The following DYSF variants were observed in gnomAD, a reference collection of about 807,000 sequenced individuals.
DYSF encodes dysferlin.
A neutral mutation model predicts 274.9 loss-of-function variants in DYSF; 212 were observed. That is an observed-to-expected ratio of 0.77 (90% CI 0.69 to 0.86). The LOEUF is 0.86. Among genes scored for constraint, DYSF ranks in the 40% least tolerant of loss-of-function variants. DYSF has a pLI of 0.00. For synonymous variants in DYSF, 1,091 were observed against 1,078.7 expected, an observed-to-expected ratio of 1.01 and a Z score of -0.22; for missense variants, 2,666 against 2,783.2, an observed-to-expected ratio of 0.96 and a Z score of 0.95.
Position 71,564,171 on chromosome 2 carries a change from C to T in DYSF, c.2523C>T (p.Tyr841=), listed in dbSNP as rs2091950553. 3 of 1,614,268 alleles carry T rather than the reference C, an allele frequency of 1.9e-6. No individual in the cohort carries two copies. Among genetic ancestry groups the T allele is most frequent in the Non-Finnish European group, 2.5e-6 (3 of 1,180,046 alleles). Residue 841 remains tyrosine (Y), a synonymous_variant, in exon 24 of 56, where the codon TAC becomes TAT. Transcript: ENST00000410020. ...TCTTCTCCCGGCGGGGTGCCAACTA[C>T]TGTGGCAAGAATTGTGGGAAGCTAC... ...QVLFSRRGAN[Y]CGKNCGKLQT... is the part of the protein sequence containing the mutation.
chr2:71,472,633 C>T (rs2082116250), intron 1 of DYSF, among the ~76,000 whole-genome samples: 1 of 152,212 alleles, frequency 6.6e-6, no homozygotes, highest in African/African-American at 2.4e-5. Flanking sequence ...GTCTGGATCT[C>T]CTGACTTCGT....
chr2:71,642,066 G>A (rs1397526001), intron 41 of DYSF, among the ~76,000 whole-genome samples: 1 of 152,150 alleles, frequency 6.6e-6, no homozygotes, highest in African/African-American at 2.4e-5. Flanking sequence ...GGTTATTCAG[G>A]ATTGAGGGAA....
intron 40 of DYSF, among the ~76,000 whole-genome samples, chr2:71,618,370 GGCA>G (rs1293932493): frequency 5.0e-3 from 10 of 2,016 alleles, no homozygotes; most frequent in African/African-American, 6.3e-3. Context: ...TGGTAGAGGT[GGCA>G]TGTGTGGTAG....
intron 36 of DYSF, chr2:71,610,749 T>G (rs917097738): frequency 4.7e-6 from 1 of 210,742 alleles, no homozygotes; most frequent in Non-Finnish European, 9.7e-6. Flanking sequence ...GGCTGGAAGG[T>G]GTCTAGGGGT....
chr2:71,502,844 G>A lies in DYSF; in HGVS notation c.240-370G>A, dbSNP rs573080893. ...GTCATATGATCTGCTGGGGCTCAGG[G>A]GCAGTGTGGGGGTGATGAGATACTG... On this transcript the variant is annotated intron_variant, in intron 3 of 55. Coordinates refer to ENST00000410020, the MANE Select transcript of DYSF (RefSeq NM_001130987.2). 4.6e-5 allele frequency among the ~76,000 whole-genome samples: 7 copies of A among 152,276 alleles called. 1 individual carries two copies. The East Asian group carries it at 1.4e-3, about 29-fold the overall frequency.
At chr2:71,649,361 ATAT>A (rs1455685240) in intron 42 of DYSF, among the ~76,000 whole-genome samples, 2 of 152,180 alleles carry the variant, frequency 1.3e-5, no homozygotes, top group African/African-American at 2.4e-5. Flanking sequence ...CAGTGGACAG[ATAT>A]TATTTGAAAT....
intron 30 of DYSF, among the ~76,000 whole-genome samples, chr2:71,580,358 G>A (rs562004388): frequency 5.9e-4 from 90 of 152,386 alleles, no homozygotes; most frequent in African/African-American, 2.1e-3. Flanking sequence ...GCGAGGCAAG[G>A]CCAGTTGGGA....
chr2:71,566,891 C>G (rs536450211), intron 24 of DYSF, among the ~76,000 whole-genome samples: 3 of 152,338 alleles, frequency 2.0e-5, no homozygotes, highest in East Asian at 3.9e-4. Context: ...TCTGCCCCTT[C>G]CTGAGCCTCC....
At chr2:71,484,729 T>G (rs552793863) in intron 3 of DYSF, among the ~76,000 whole-genome samples, 1 of 152,318 alleles carries the variant, frequency 6.6e-6, no homozygotes, top group African/African-American at 2.4e-5. Context: ...TTTTAAAAAT[T>G]AGTTCTCTGT....
At chr2:71,456,583 C>T (rs2081074597) in intron 1 of DYSF, among the ~76,000 whole-genome samples, 1 of 152,172 alleles carries the variant, frequency 6.6e-6, no homozygotes, top group South Asian at 2.1e-4. Flanking sequence ...CATAAAGCCC[C>T]TCCTTTGGTT....
At chr2:71,630,784 T>C (rs2094299873) in intron 41 of DYSF, among the ~76,000 whole-genome samples, 1 of 152,224 alleles carries the variant, frequency 6.6e-6, no homozygotes, top group South Asian at 2.1e-4. Context: ...TAAGCCTAGG[T>C]CTGCTCTCCC....
chr2:71,569,680 C>T (rs2092313029), intron 26 of DYSF, 140 bp from the exon 27 acceptor site: 1 of 734,962 alleles, frequency 1.4e-6, no homozygotes, highest in African/African-American at 1.7e-5. Context: ...TCTCTTGCAC[C>T]CTTCCCTCCC....
At chr2:71,621,630 TAA>T (rs2094102554) in intron 41 of DYSF, among the ~76,000 whole-genome samples, 1 of 150,278 alleles carries the variant, frequency 6.7e-6, no homozygotes, top group Non-Finnish European at 1.5e-5. Context: ...TGTGTATATA[TAA>T]TATATGTATA....
chr2:71,631,545 C>G (rs545530130), intron 41 of DYSF, among the ~76,000 whole-genome samples: 10 of 152,272 alleles, frequency 6.6e-5, no homozygotes, highest in African/African-American at 1.9e-4. Flanking sequence ...TCCTTTGTGA[C>G]TCATTCTTTC....
At chr2:71,555,253 T>C (rs1314266730) in intron 21 of DYSF, among the ~76,000 whole-genome samples, 2 of 152,056 alleles carry the variant, frequency 1.3e-5, no homozygotes, top group Non-Finnish European at 2.9e-5. Flanking sequence ...GACTCCAGAC[T>C]CCAAGAGGGC....
At chr2:71,656,116 T>G in intron 42 of DYSF, 46 bp from the exon 43 acceptor site, 1 of 1,613,216 alleles carries the variant, frequency 6.2e-7, no homozygotes, top group Non-Finnish European at 8.5e-7. Context: ...GTTGTTCTAC[T>G]TTCTTTCTGT....
chr2:71,678,740 T>C (rs947771147), intron 52 of DYSF, among the ~76,000 whole-genome samples: 1 of 152,232 alleles, frequency 6.6e-6, no homozygotes, highest in African/African-American at 2.4e-5. Flanking sequence ...TGTATGGCTG[T>C]TTATAGACGG....
At chr2:71,461,173 A>G (rs569974440) in intron 1 of DYSF, among the ~76,000 whole-genome samples, 5 of 152,050 alleles carry the variant, frequency 3.3e-5, no homozygotes, top group South Asian at 4.2e-4. Context: ...TCGTTGACCA[A>G]CTCCACAGTC....
chr2:71,466,814 C>A lies in DYSF; in HGVS notation c.-29C>A, dbSNP rs1427288561. On this transcript the variant is annotated 5_prime_UTR_variant, in exon 1 of 56. Coordinates refer to ENST00000410020, the MANE Select transcript of DYSF (RefSeq NM_001130987.2). ...TGCTCCCGCTCCCGCCCTGACTGCG[C>A]GCCTGTGTGCCGCCGGGGCTGCCCA... 21 of 1,499,080 alleles carry A rather than the reference C, an allele frequency of 1.4e-5. No individual in the cohort carries two copies. The highest frequency in any genetic ancestry group is 8.5e-5 in the African/African-American group (6 of 70,998). 92.9% of individuals were successfully genotyped at this position (1,499,080 alleles called of 1,614,324 possible).
Sources: gnomAD v4.1 joint callset for allele counts (sites outside exome capture counted in the v4.1 genomes callset) on GRCh38, gnomAD v4.1.1 for gene constraint, MANE v1.5 for transcripts, NCBI Gene and HGNC (gene_info 2026-07-23, HGNC 2026-07-21) for gene names.